MAP4K4: variants seen among roughly 807,000 people sequenced by gnomAD.
MAP4K4 encodes the protein mitogen-activated protein kinase kinase kinase kinase 4.
Under a neutral mutation model 189.6 loss-of-function variants are expected in MAP4K4, and 38 were observed. The observed-to-expected ratio is 0.20, with a 90% CI of 0.15 to 0.26. The LOEUF (loss-of-function observed/expected upper bound fraction) is 0.26, where lower values mean the gene tolerates loss of function less well. Ranked by LOEUF, MAP4K4 falls within the 10% of genes least tolerant of loss-of-function variation. MAP4K4 has a pLI of 1.00. For synonymous variants in MAP4K4, 610 were observed against 624.3 expected (o/e 0.98, Z 0.34); for missense variants, 1,054 against 1,726.9 (o/e 0.61, Z 6.91).
exon 26 of MAP4K4, chr2:101,874,248 A>G (rs2098133233): frequency 1.9e-6 from 3 of 1,607,262 alleles, no homozygotes; most frequent in East Asian, 2.2e-5. Context: ...GTGCTGCCTT[A>G]TGGGGTAGGT....
chr2:101,855,907 C>A, intron 12 of MAP4K4, 70 bp from the exon 13 acceptor site: 1 of 1,456,534 alleles, frequency 6.9e-7, no homozygotes, highest in Non-Finnish European at 9.2e-7. Flanking sequence ...ACTGACTGAT[C>A]AGCACACTAT....
chr2:101,862,365 T>A (rs1302796393), intron 16 of MAP4K4: 1 of 148,800 alleles, frequency 6.7e-6, no homozygotes, highest in Non-Finnish European at 1.5e-5. Context: ...AGCAGATGGG[T>A]AGCTCCAGAG....
intron 9 of MAP4K4, 59 bp downstream of exon 9, chr2:101,836,037 A>G: frequency 2.3e-6 from 3 of 1,281,000 alleles, no homozygotes; most frequent in South Asian, 1.3e-5. Context: ...GCTTCTTTTT[A>G]GTTATACTTT....
chr2:101,871,737 C>T, intron 24 of MAP4K4, 52 bp downstream of exon 24: 2 of 1,484,304 alleles, frequency 1.3e-6, no homozygotes, highest in Non-Finnish European at 1.8e-6. Context: ...CCAGCACTGC[C>T]TAGGAGTTAG....
intron 6 of MAP4K4, 198 bp downstream of exon 6, chr2:101,829,792 C>T (rs925306645): frequency 9.7e-6 from 5 of 514,698 alleles, no homozygotes; most frequent in South Asian, 4.3e-5. Context: ...CCCCCCTGCC[C>T]CCTGGTTCTC....
chr2:101,874,372 C>T, intron 26 of MAP4K4, 120 bp downstream of exon 26: 2 of 841,356 alleles, frequency 2.4e-6, no homozygotes, highest in East Asian at 2.7e-5. Flanking sequence ...TCTATGATGT[C>T]CATCTCCTGT....
At chr2:101,699,980 C>T (rs1392175203) in intron 2 of MAP4K4, among the ~76,000 whole-genome samples, 2 of 152,174 alleles carry the variant, frequency 1.3e-5, no homozygotes, top group Non-Finnish European at 2.9e-5. Context: ...ACATTCTCCC[C>T]GGTCTGTTGT....
intron 2 of MAP4K4, among the ~76,000 whole-genome samples, chr2:101,709,303 A>G (rs898866569): frequency 6.6e-6 from 1 of 152,186 alleles, no homozygotes; most frequent in African/African-American, 2.4e-5. Context: ...CCTGGGTTCA[A>G]GTGATTCTCC....
chr2:101,770,831 T>A (rs2081073712), intron 2 of MAP4K4, among the ~76,000 whole-genome samples: 1 of 152,280 alleles, frequency 6.6e-6, no homozygotes, highest in East Asian at 1.9e-4. Flanking sequence ...AGTGGACATT[T>A]AAACTGGAGT....
chr2:101,877,742 C>CTTATTTAT (rs200579848), intron 27 of MAP4K4, among the ~76,000 whole-genome samples: 11 of 151,242 alleles, frequency 7.3e-5, no homozygotes, highest in Middle Eastern at 3.2e-3. Context: ...CTCTTTTTTA[C>CTTATTTAT]TTATTTATTT....
rs190832376 is a variant in MAP4K4 at position 101,732,128 on chromosome 2, A to G, written c.123+33590A>G. Among the ~76,000 whole-genome samples the G allele has an allele frequency of 7.9e-5, 12 of 152,332 alleles. No homozygotes were observed. The East Asian group carries it at 2.3e-3, about 29-fold the overall frequency. On this transcript the variant is annotated intron_variant, in intron 2 of 32. Transcript: ENST00000324219. ...TTAATATAATTTAGTATTATTTATAAACTCTGTGGGAGATGAAATGGGCTT... is the reference window on the plus strand; with the variant it reads ...TTAATATAATTTAGTATTATTTATAGACTCTGTGGGAGATGAAATGGGCTT...
intron 3 of MAP4K4, among the ~76,000 whole-genome samples, chr2:101,808,479 T>C (rs2095167588): frequency 6.6e-6 from 1 of 152,136 alleles, no homozygotes; most frequent in Non-Finnish European, 1.5e-5. Context: ...TTGACTTTAC[T>C]GGTTACTTCT....
In MAP4K4 at chr2:101,791,704, C is replaced by G. The variant is rs139056730; in HGVS notation, c.180+928C>G. 1.3e-3 allele frequency among the ~76,000 whole-genome samples: 191 copies of G among 152,298 alleles called. 1 individual carries two copies. Among genetic ancestry groups the G allele is most frequent in the African/African-American group, 4.5e-3 (187 of 41,552 alleles). Reference sequence around the variant, plus strand: ...TAGTGTGCTATCCAGAGAGCAAAATCTCCTCCTTTGCCTTGCTCTTTGCTG... The same window carrying G: ...TAGTGTGCTATCCAGAGAGCAAAATGTCCTCCTTTGCCTTGCTCTTTGCTG... On this transcript the variant is annotated intron_variant, in intron 3 of 32. Transcript: ENST00000324219.
chr2:101,790,996 A>G (rs1363077496), intron 3 of MAP4K4, among the ~76,000 whole-genome samples: 2 of 152,192 alleles, frequency 1.3e-5, no homozygotes, highest in South Asian at 2.1e-4. Context: ...AAACACACGC[A>G]GTGCACACAC....
At chr2:101,702,766 C>T (rs2039689903) in intron 2 of MAP4K4, among the ~76,000 whole-genome samples, 1 of 152,144 alleles carries the variant, frequency 6.6e-6, no homozygotes, top group African/African-American at 2.4e-5. Context: ...CTGATCTTGT[C>T]ATTGGAGGAA....
At chr2:101,825,609 C>T (rs1050570328) in intron 5 of MAP4K4, among the ~76,000 whole-genome samples, 180 bp downstream of exon 5, 3 of 152,160 alleles carry the variant, frequency 2.0e-5, no homozygotes, top group Admixed American at 2.0e-4. Context: ...TGATTTGACT[C>T]TGGCAAGTAT....
intron 29 of MAP4K4, among the ~76,000 whole-genome samples, 161 bp downstream of exon 29, chr2:101,885,448 G>A (rs766675750): frequency 2.0e-5 from 3 of 152,186 alleles, no homozygotes; most frequent in Non-Finnish European, 4.4e-5. Flanking sequence ...AATGTAATAA[G>A]CTTAGTTAAG....
intron 2 of MAP4K4, among the ~76,000 whole-genome samples, chr2:101,758,526 A>T (rs968836874): frequency 2.0e-5 from 3 of 152,160 alleles, no homozygotes; most frequent in African/African-American, 7.2e-5. Flanking sequence ...TCCACAGAGC[A>T]TCTGTGGGAA....
Position 101,888,700 on chromosome 2 carries a change from T to A in MAP4K4, c.3932-96T>A, listed in dbSNP as rs921412579. ...TTTAAATTTTAAATTTTAAAAAGAT[T>A]TAGAAGTATAAAAATATATTTTTAT... On this transcript the variant is annotated intron_variant, in intron 31 of 32. Transcript: ENST00000324219. The A allele has an allele frequency of 5.4e-5, 49 of 909,290 alleles. No homozygotes were observed. In the South Asian group the frequency reaches 1.4e-3, roughly 26 times the overall value. 56.3% of individuals were successfully genotyped at this position (909,290 alleles called of 1,614,324 possible). A position where few individuals can be genotyped will look rare whatever the true frequency, so the allele number is the denominator to read the frequency against.
Sources: gnomAD v4.1 joint callset for allele counts (sites outside exome capture counted in the v4.1 genomes callset) on GRCh38, gnomAD v4.1.1 for gene constraint, MANE v1.5 for transcripts, NCBI Gene and HGNC (gene_info 2026-07-23, HGNC 2026-07-21) for gene names.